The following ZNF354C variants were observed in gnomAD, a reference collection of about 807,000 sequenced individuals.
The protein encoded by ZNF354C is KRAB-zinc finger protein synten.
ZNF354C carries 7 observed loss-of-function variants against 12.4 expected under a neutral mutation model. The ratio of observed to expected loss-of-function variants is 0.56; its 90% CI spans 0.32 to 1.06. The LOEUF (loss-of-function observed/expected upper bound fraction) is 1.06. ZNF354C is among the 50% of genes least tolerant of loss of function. ZNF354C has a pLI of 0.04. For missense variants in ZNF354C, 609 were observed against 658.0 expected, an observed-to-expected ratio of 0.93 and a Z score of 0.81; for synonymous variants, 202 against 224.5, an observed-to-expected ratio of 0.90 and a Z score of 0.90.
At chr5:179,065,052 G>A (rs1581115332) in intron 2 of ZNF354C, among the ~76,000 whole-genome samples, 1 of 152,140 alleles carries the variant, frequency 6.6e-6, no homozygotes, top group African/African-American at 2.4e-5. Flanking sequence ...GATATTGTCA[G>A]TATTTTTAAA....
At chr5:179,067,781 G>T (rs1259177923) in intron 2 of ZNF354C, among the ~76,000 whole-genome samples, 1 of 152,208 alleles carries the variant, frequency 6.6e-6, no homozygotes, top group African/African-American at 2.4e-5. Context: ...CTGGGAGGCA[G>T]AGGTTGCTGT....
chr5:179,080,165 C>CTAA lies in ZNF354C; in HGVS notation c.*71_*73dup. The CTAA allele has an allele frequency of 8.3e-7, 1 of 1,201,928 alleles. No individual in the cohort carries two copies. Among genetic ancestry groups the CTAA allele is most frequent in the Non-Finnish European group, 1.2e-6 (1 of 866,326 alleles). The allele number at this position is 1,201,928 out of a possible 1,614,324, so 74.5% of individuals were successfully genotyped here. On this transcript the variant is annotated 3_prime_UTR_variant, in exon 5 of 5. Coordinates refer to ENST00000315475, the MANE Select transcript of ZNF354C (RefSeq NM_014594.3). ...GGAATAATAAATAGGGTACAAACTC[C>CTAA]TAATAGATTTGTCTTTTTTACTTCT...
At chr5:179,070,335 G>T (rs1404430566) in intron 2 of ZNF354C, among the ~76,000 whole-genome samples, 1 of 152,136 alleles carries the variant, frequency 6.6e-6, no homozygotes, top group Non-Finnish European at 1.5e-5. Flanking sequence ...AGGCTTGGGG[G>T]CCTCTGATAT....
intron 2 of ZNF354C, among the ~76,000 whole-genome samples, chr5:179,063,224 G>A (rs1188266466): frequency 1.3e-5 from 2 of 152,140 alleles, no homozygotes; most frequent in African/African-American, 4.8e-5. Flanking sequence ...ATTTTGGTGG[G>A]GTTAATAATA....
intron 2 of ZNF354C, among the ~76,000 whole-genome samples, chr5:179,069,174 A>G (rs1762003237): frequency 2.6e-5 from 4 of 152,216 alleles, no homozygotes; most frequent in Admixed American, 2.6e-4. Context: ...AGGCCGTGAC[A>G]GGAAGTAGGG....
In ZNF354C at chr5:179,081,658, A is replaced by G. The variant is rs1762228059; in HGVS notation, c.*1561A>G. ...AAAATGAGGCTTTTAAACAGACCTC[A>G]CTATTTAACATTGTACCCAGTAGTG... On this transcript the variant is annotated 3_prime_UTR_variant, in exon 5 of 5. Coordinates refer to ENST00000315475, the MANE Select transcript of ZNF354C (RefSeq NM_014594.3). 6.6e-6 allele frequency: 1 copy of G among 152,174 alleles called. No homozygotes were observed. Among genetic ancestry groups the G allele is most frequent in the South Asian group, 2.1e-4 (1 of 4,832 alleles). The allele number at this position is 152,174 out of a possible 1,614,324, so 9.4% of individuals were successfully genotyped here. A position where few individuals can be genotyped will look rare whatever the true frequency, so the allele number is the denominator to read the frequency against.
intron 2 of ZNF354C, among the ~76,000 whole-genome samples, chr5:179,064,485 C>T (rs1007060347): frequency 4.6e-5 from 7 of 151,892 alleles, no homozygotes; most frequent in African/African-American, 1.5e-4. Context: ...GGCGCCATCT[C>T]GGTTCACTGC....
chr5:179,077,256 C>A, intron 4 of ZNF354C, 90 bp downstream of exon 4: 1 of 1,024,330 alleles, frequency 9.8e-7, no homozygotes, highest in Non-Finnish European at 1.5e-6. Context: ...CTTGGAAATA[C>A]TGAGTCCTCT....
Position 179,078,843 on chromosome 5 carries a change from G to A in ZNF354C, c.411G>A (p.Glu137=), listed in dbSNP as rs752152333. 27 of 1,614,100 alleles carry A rather than the reference G, an allele frequency of 1.7e-5. No homozygotes were observed. Among genetic ancestry groups the A allele is most frequent in the Non-Finnish European group, 2.3e-5 (27 of 1,179,994 alleles). Residue 137 remains glutamate, a synonymous_variant, in exon 5 of 5, where the codon GAG becomes GAA. Coordinates refer to ENST00000315475, the MANE Select transcript of ZNF354C (RefSeq NM_014594.3). Reference sequence around the variant, plus strand: ...AATTTGAGAGCGAGATAGAAGAAGAGCAAGAGAAGAAACCTCTTAGACAAA... The same window carrying A: ...AATTTGAGAGCGAGATAGAAGAAGAACAAGAGAAGAAACCTCTTAGACAAA... ...AVEFESEIEE[E]QEKKPLRQMI... is the part of the protein sequence containing the mutation.
intron 4 of ZNF354C, among the ~76,000 whole-genome samples, chr5:179,078,283 G>A (rs1762157102): frequency 6.6e-6 from 1 of 152,192 alleles, no homozygotes; most frequent in Non-Finnish European, 1.5e-5. Flanking sequence ...AGGAGAAGGT[G>A]GACAGGCTGC....
At position 179,079,909 on chromosome 5, in the gene ZNF354C, G is replaced by A. The variant is rs1478267897; in HGVS notation, c.1477G>A (p.Glu493Lys). 2 of 1,613,860 alleles carry A rather than the reference G, an allele frequency of 1.2e-6. No homozygotes were observed. The highest frequency in any genetic ancestry group is 1.3e-5 in the African/African-American group (1 of 74,890). The change falls in exon 5 of 5, where the codon GAG (glutamate) becomes AAG (lysine). Residue 493 changes from glutamate (E) to lysine (K), a missense_variant. Transcript: ENST00000315475. The surrounding 1 kb of genome is among the most constrained non-coding windows in gnomAD (Gnocchi z 4.2). Reference sequence around the variant, plus strand: ...CGAACATGAGAGGATCCACACTGGAGAGAAACTGTATAAATGTATGGAATG... The same window carrying A: ...CGAACATGAGAGGATCCACACTGGAAAGAAACTGTATAAATGTATGGAATG... Reference protein sequence around the residue: ...LTEHERIHTGEKLYKCMECGK... With the variant: ...LTEHERIHTGKKLYKCMECGK...
Position 179,082,861 on chromosome 5 carries a change from G to C in ZNF354C, c.*2764G>C, listed in dbSNP as rs1011094389. ...ACAGCCTTGGGGCCCTCACAGACTC[G>C]CCAAACATTCCAGGCACTGCACTTG... is the stretch of plus-strand genomic sequence containing the variant. On this transcript the variant is annotated 3_prime_UTR_variant, in exon 5 of 5. Transcript: ENST00000315475. 8.5e-7 allele frequency: 1 copy of C among 1,174,934 alleles called. No individual in the cohort carries two copies. The highest frequency in any genetic ancestry group is 1.5e-5 in the African/African-American group (1 of 66,606). The allele number at this position is 1,174,934 out of a possible 1,614,324, so 72.8% of individuals were successfully genotyped here. A position where few individuals can be genotyped will look rare whatever the true frequency, so the allele number is the denominator to read the frequency against.
intron 2 of ZNF354C, among the ~76,000 whole-genome samples, chr5:179,068,700 G>A (rs1342171955): frequency 1.3e-5 from 2 of 151,376 alleles, no homozygotes; most frequent in East Asian, 3.9e-4. Context: ...AGTTGGGTTT[G>A]CTGTGAGTGT....
chr5:179,070,841 C>CTTTTTTTTTTTTTTTT (rs766817856), intron 2 of ZNF354C, among the ~76,000 whole-genome samples: 1 of 75,438 alleles, frequency 1.3e-5, no homozygotes, highest in Non-Finnish European at 2.3e-5. Context: ...CTTGATCGCT[C>CTTTTTTTTTTTTTTTT]TTTTTTTTTT....
chr5:179,076,524 T>G lies in ZNF354C; in HGVS notation c.107T>G (p.Leu36Trp). The G allele has an allele frequency of 6.2e-7, 1 of 1,614,184 alleles. No homozygotes were observed. The highest frequency in any genetic ancestry group is 8.5e-7 in the Non-Finnish European group (1 of 1,180,034). The change falls in exon 3 of 5, where the codon TTG becomes TGG. Residue 36 changes from leucine to tryptophan, a missense_variant. Coordinates refer to ENST00000315475, the MANE Select transcript of ZNF354C (RefSeq NM_014594.3). ...CACCTGGACTCTGCCCAGAGGGCCT[T>G]GTACCGGGAGGTGATGCTGGAGAAC... ...WLHLDSAQRALYREVMLENYS... is the reference protein window; with the variant it reads ...WLHLDSAQRAWYREVMLENYS...
chr5:179,079,942 G>A lies in ZNF354C; in HGVS notation c.1510G>A (p.Ala504Thr), dbSNP rs1356625332. 6 of 1,613,940 alleles carry A rather than the reference G, an allele frequency of 3.7e-6. No individual in the cohort carries two copies. The East Asian group carries it at 1.1e-4, about 30-fold the overall frequency. The change falls in exon 5 of 5, where the codon GCC (alanine) becomes ACC (threonine). Residue 504 changes from alanine to threonine, a missense_variant. Physicochemically the swap from Ala to Thr is moderately conservative, Grantham distance 58. Transcript: ENST00000315475. The surrounding 1 kb of genome is among the most constrained non-coding windows in gnomAD (Gnocchi z 4.2). ...GTATAAATGTATGGAATGTGGGAAA[G>A]CCTACAGTTACAGATCAAACCTTTG... ...KLYKCMECGKAYSYRSNLCRH... is the reference protein window; with the variant it reads ...KLYKCMECGKTYSYRSNLCRH...
rs531809657 is a variant in ZNF354C at position 179,072,180 on chromosome 5, T to G, written c.28-4265T>G. Among the ~76,000 whole-genome samples the G allele has an allele frequency of 5.9e-5, 9 of 151,530 alleles. No individual in the cohort carries two copies. The South Asian group carries it at 1.5e-3, about 25-fold the overall frequency. The stretch of plus-strand genomic sequence containing the variant: ...CTGTGCTCAAGGACTTAAAGGAAAA[T>G]ATACATGTAAAGAATGAACTAATAG... On this transcript the variant is annotated intron_variant, in intron 2 of 4. Coordinates refer to ENST00000315475, the MANE Select transcript of ZNF354C (RefSeq NM_014594.3).
At chr5:179,070,152 T>C (rs956256892) in intron 2 of ZNF354C, among the ~76,000 whole-genome samples, 35 of 152,254 alleles carry the variant, frequency 2.3e-4, no homozygotes, top group South Asian at 4.2e-4. Context: ...TTAGATTTCA[T>C]AGGAACATGA....
rs944420440 is a variant in ZNF354C, at chr5:179,082,808, G to C, written c.*2711G>C. 4.5e-6 allele frequency: 6 copies of C among 1,339,188 alleles called. No homozygotes were observed. The Admixed American group carries it at 8.4e-5, about 19-fold the overall frequency. The allele number at this position is 1,339,188 out of a possible 1,614,324, so 83.0% of individuals were successfully genotyped here. On this transcript the variant is annotated 3_prime_UTR_variant, in exon 5 of 5. Transcript: ENST00000315475. Reference sequence around the variant, plus strand: ...CCAGGGTGATGTTCTTCAAGCGACTGACCAACCGATCAGGTCGAGGAGCTG... The same window carrying C: ...CCAGGGTGATGTTCTTCAAGCGACTCACCAACCGATCAGGTCGAGGAGCTG...
Sources: allele counts gnomAD v4.1 joint callset (sites outside exome capture counted in the v4.1 genomes callset), GRCh38; gene constraint gnomAD v4.1.1; non-coding constraint Gnocchi (gnomAD v3.1); transcripts MANE v1.5; gene names NCBI Gene and HGNC (gene_info 2026-07-23, HGNC 2026-07-21).